The following PPP1R9A variants were observed in gnomAD, a reference collection of about 807,000 sequenced individuals.
PPP1R9A encodes the protein neurabin-1.
In PPP1R9A, 59 loss-of-function variants were observed where a neutral mutation model predicts 141.9. The ratio of observed to expected loss-of-function variants is 0.42; its 90% CI spans 0.34 to 0.52. PPP1R9A has a LOEUF of 0.52. PPP1R9A is among the 20% of genes least tolerant of loss of function. The probability of loss-of-function intolerance (pLI) is 0.10; values close to 1 mark genes in which losing one functional copy is unlikely to be tolerated. For synonymous variants in PPP1R9A, 500 were observed against 569.7 expected (o/e 0.88, Z 1.74); for missense variants, 1,444 against 1,611.9 (o/e 0.90, Z 1.78).
At chr7:95,090,992 A>G (rs1817271821) in intron 2 of PPP1R9A, among the ~76,000 whole-genome samples, 1 of 152,018 alleles carries the variant, frequency 6.6e-6, no homozygotes, top group Non-Finnish European at 1.5e-5. Context: ...TTTTTAGGAT[A>G]CATCTATAAG....
chr7:95,222,688 A>G (rs1428980785), intron 7 of PPP1R9A, among the ~76,000 whole-genome samples: 1 of 152,034 alleles, frequency 6.6e-6, no homozygotes, highest in Non-Finnish European at 1.5e-5. Flanking sequence ...TTTAATTTGA[A>G]CAGAAATAGA....
chr7:95,029,238 A>G (rs1273652117), intron 2 of PPP1R9A, among the ~76,000 whole-genome samples: 1 of 152,190 alleles, frequency 6.6e-6, no homozygotes, highest in Non-Finnish European at 1.5e-5. Context: ...ATGGGAGGCC[A>G]AGCTACTTTT....
At chr7:95,289,279 A>G (rs1449616196) in intron 19 of PPP1R9A, among the ~76,000 whole-genome samples, 1 of 152,142 alleles carries the variant, frequency 6.6e-6, no homozygotes, top group Non-Finnish European at 1.5e-5. Flanking sequence ...GAAAGGGAAA[A>G]AGGTGCTTAC....
chr7:95,262,152 C>T (rs1800527853), intron 12 of PPP1R9A, among the ~76,000 whole-genome samples: 1 of 152,126 alleles, frequency 6.6e-6, no homozygotes, highest in East Asian at 1.9e-4. Flanking sequence ...AGTGAAAACA[C>T]AGAATCTTGC....
intron 2 of PPP1R9A, among the ~76,000 whole-genome samples, chr7:94,993,355 T>G (rs1247867775): frequency 6.6e-6 from 1 of 152,190 alleles, no homozygotes; most frequent in East Asian, 1.9e-4. Context: ...TGAACTGTGT[T>G]CTTTTCCAGT....
At chr7:95,115,153 TATATC>T (rs1821256652) in intron 3 of PPP1R9A, among the ~76,000 whole-genome samples, 2 of 152,180 alleles carry the variant, frequency 1.3e-5, no homozygotes, top group South Asian at 2.1e-4. Context: ...ATCTATAAAA[TATATC>T]AATCATAATA....
At chr7:95,109,892 G>T (rs1008374734) in intron 2 of PPP1R9A, among the ~76,000 whole-genome samples, 6 of 151,702 alleles carry the variant, frequency 4.0e-5, no homozygotes, top group African/African-American at 1.5e-4. Context: ...TGGGAAACAT[G>T]CTAATATTTA....
At chr7:95,147,007 A>C (rs1221428188) in intron 4 of PPP1R9A, among the ~76,000 whole-genome samples, 4 of 152,188 alleles carry the variant, frequency 2.6e-5, no homozygotes, top group African/African-American at 9.6e-5. Flanking sequence ...TATGAAATTT[A>C]AAGTAGATTT....
At chr7:95,249,495 A>G (rs1470107756) in intron 9 of PPP1R9A, among the ~76,000 whole-genome samples, 2 of 152,040 alleles carry the variant, frequency 1.3e-5, no homozygotes, top group South Asian at 2.1e-4. Flanking sequence ...GGAGAACTTC[A>G]ATTACATGTC....
chr7:94,988,039 G>A (rs2151398933), intron 2 of PPP1R9A, among the ~76,000 whole-genome samples: 1 of 152,150 alleles, frequency 6.6e-6, no homozygotes, highest in East Asian at 1.9e-4. Flanking sequence ...TAAATACTTG[G>A]AATTGGATCA....
intron 8 of PPP1R9A, among the ~76,000 whole-genome samples, chr7:95,239,950 G>T (rs1346807856): frequency 6.6e-6 from 1 of 151,832 alleles, no homozygotes; most frequent in Non-Finnish European, 1.5e-5. Context: ...TATGTTTTTG[G>T]TTAGTTTTCT....
chr7:95,014,894 G>A (rs952899851), intron 2 of PPP1R9A, among the ~76,000 whole-genome samples: 1 of 151,920 alleles, frequency 6.6e-6, no homozygotes, highest in Non-Finnish European at 1.5e-5. Context: ...ATCCATTACT[G>A]TGGTTTAGTG....
chr7:95,275,603 T>G (rs1803027426), intron 16 of PPP1R9A, among the ~76,000 whole-genome samples: 1 of 152,194 alleles, frequency 6.6e-6, no homozygotes, highest in Non-Finnish European at 1.5e-5. Context: ...CATCTAATGA[T>G]GCTTAAATTT....
intron 5 of PPP1R9A, among the ~76,000 whole-genome samples, chr7:95,181,537 G>T (rs1833810545): frequency 8.4e-6 from 1 of 118,640 alleles, no homozygotes; most frequent in African/African-American, 3.0e-5. Flanking sequence ...TATATATATA[G>T]AATATAGAGA....
intron 2 of PPP1R9A, among the ~76,000 whole-genome samples, chr7:95,024,419 T>G (rs1475021661): frequency 1.3e-5 from 2 of 152,150 alleles, no homozygotes; most frequent in East Asian, 3.9e-4. Context: ...TAAATCTCTT[T>G]GTAGGTCTCT....
rs144494514 is a variant in PPP1R9A, at chr7:95,254,318, C to T, written c.2665+2188C>T. On this transcript the variant is annotated intron_variant, in intron 12 of 19. Transcript: ENST00000433360. ...TGCTTGATCACATAAACTAAAATGG[C>T]GTGGTCAGTAGCTAGATAGGAATGC... is the stretch of plus-strand genomic sequence containing the variant. Among the ~76,000 whole-genome samples, 4 of 152,256 alleles carry T rather than the reference C, an allele frequency of 2.6e-5. No individual in the cohort carries two copies. In the East Asian group the frequency reaches 7.7e-4, roughly 29 times the overall value.
rs1806689376 is a variant in PPP1R9A at position 95,293,758 on chromosome 7, G to GT, written c.*3456dup. ...TAGAGTTTGTGCTGAAGACAAATTT[G>GT]TCTGGGTTCATTGTGCACCAGAATT... On this transcript the variant is annotated 3_prime_UTR_variant, in exon 20 of 20. Coordinates refer to ENST00000433360, the MANE Select transcript of PPP1R9A (RefSeq NM_001166160.2). 2 of 152,166 alleles carry GT rather than the reference G, an allele frequency of 1.3e-5. No homozygotes were observed. The highest frequency in any genetic ancestry group is 4.2e-4 in the South Asian group (2 of 4,812). The allele number at this position is 152,166 out of a possible 1,614,324, so 9.4% of individuals were successfully genotyped here.
chr7:95,148,668 A>AC (rs1336099112), intron 4 of PPP1R9A, among the ~76,000 whole-genome samples: 1 of 147,740 alleles, frequency 6.8e-6, no homozygotes, highest in African/African-American at 2.6e-5. Flanking sequence ...ATATGGTAAA[A>AC]CCCCAATTCT....
At chr7:95,057,845 G>C (rs1485923962) in intron 2 of PPP1R9A, among the ~76,000 whole-genome samples, 1 of 152,010 alleles carries the variant, frequency 6.6e-6, no homozygotes, top group Non-Finnish European at 1.5e-5. Flanking sequence ...TCTTAAATTT[G>C]TTTCACTTAC....
Sources: gnomAD v4.1 joint callset for allele counts (sites outside exome capture counted in the v4.1 genomes callset) on GRCh38, gnomAD v4.1.1 for gene constraint, MANE v1.5 for transcripts, NCBI Gene and HGNC (gene_info 2026-07-23, HGNC 2026-07-21) for gene names.